The following ADCY3 variants were observed in gnomAD, a reference collection of about 807,000 sequenced individuals.
ADCY3 encodes the protein adenylate cyclase 3.
In ADCY3, 70 loss-of-function variants were observed where a neutral mutation model predicts 119.4. The ratio of observed to expected loss-of-function variants is 0.59; its 90% CI spans 0.48 to 0.72. ADCY3 has a LOEUF of 0.72. ADCY3 is among the 30% of genes least tolerant of loss of function. The probability of loss-of-function intolerance (pLI) is 0.00; values close to 1 mark genes in which losing one functional copy is unlikely to be tolerated. For missense variants in ADCY3, 1,238 were observed against 1,541.6 expected (o/e 0.80, Z 3.30); for synonymous variants, 672 against 621.4 (o/e 1.08, Z -1.21).
intron 2 of ADCY3, among the ~76,000 whole-genome samples, chr2:24,917,880 G>GTT (rs996045918): frequency 4.5e-4 from 68 of 152,212 alleles, no homozygotes; most frequent in Non-Finnish European, 5.9e-5. Flanking sequence ...CAGAGCGGAC[G>GTT]TTATCCCCAT....
rs1668798018 is a variant in ADCY3, at chr2:24,827,559, T to C, written c.2482A>G (p.Asn828Asp). ...CGTGGCCCTTACCTGTCAGTGCCAT[T>C]GAGCCCAGGGTTGAATCCTTGCATC... ...EQMQGFNPGL[N>D]GTDRLPLVPS... Residue 828 changes from asparagine to aspartate, a missense_variant, in exon 15 of 22, where the codon AAT becomes GAT. By Grantham distance (23) the Asn-to-Asp change is conservative (BLOSUM62 1). This residue lies in a region of ADCY3 where 499 missense variants were observed against 571.0 expected (regional missense o/e 0.87). Coordinates refer to ENST00000679454, the MANE Select transcript of ADCY3 (RefSeq NM_004036.5). 6.3e-7 allele frequency: 1 copy of C among 1,588,280 alleles called. No homozygotes were observed. Among genetic ancestry groups the C allele is most frequent in the Non-Finnish European group, 8.6e-7 (1 of 1,164,376 alleles).
intron 2 of ADCY3, among the ~76,000 whole-genome samples, chr2:24,880,850 A>G (rs1558493475): frequency 6.6e-6 from 1 of 152,126 alleles, no homozygotes; most frequent in Non-Finnish European, 1.5e-5. Flanking sequence ...ACTCATCTCT[A>G]CTAAAAGTAC....
Position 24,898,920 on chromosome 2 carries a change from C to T in ADCY3, c.675+19393G>A, listed in dbSNP as rs1357830895. On this transcript the variant is annotated intron_variant, in intron 2 of 21. Coordinates refer to ENST00000679454, the MANE Select transcript of ADCY3 (RefSeq NM_004036.5). The surrounding 1 kb of genome is among the most constrained non-coding windows in gnomAD (Gnocchi z 4.3). ...CCAGCGCGGACGCCAAGCACGACCACGGCAGGTGACCTGCCCTCCCTCCAG... is the reference window on the plus strand; with the variant it reads ...CCAGCGCGGACGCCAAGCACGACCATGGCAGGTGACCTGCCCTCCCTCCAG... Among the ~76,000 whole-genome samples, 4 of 152,196 alleles carry T rather than the reference C, an allele frequency of 2.6e-5. No homozygotes were observed. The highest frequency in any genetic ancestry group is 4.4e-5 in the Non-Finnish European group (3 of 68,032).
chr2:24,902,221 C>T (rs1354005846), intron 2 of ADCY3, among the ~76,000 whole-genome samples: 1 of 151,424 alleles, frequency 6.6e-6, no homozygotes, highest in African/African-American at 2.4e-5. Context: ...TCTGGGACCA[C>T]AAGTGTGTGC....
intron 16 of ADCY3, among the ~76,000 whole-genome samples, chr2:24,824,825 G>T (rs1250618473): frequency 1.3e-5 from 2 of 152,166 alleles, no homozygotes; most frequent in Non-Finnish European, 2.9e-5. Context: ...AGGAGGCAGA[G>T]GTTGCAGTGA....
At position 24,898,136 on chromosome 2, in the gene ADCY3, C is replaced by A. The variant is rs1678494414; in HGVS notation, c.675+20177G>T. ...TACCCCGTCTATGTTCACCCCCAGA[C>A]CTTTGTTCACAAGCCACTGCCACTG... On this transcript the variant is annotated intron_variant, in intron 2 of 21. Coordinates refer to ENST00000679454, the MANE Select transcript of ADCY3 (RefSeq NM_004036.5). The surrounding 1 kb of genome is among the most constrained non-coding windows in gnomAD (Gnocchi z 4.3). 6.6e-6 allele frequency among the ~76,000 whole-genome samples: 1 copy of A among 152,172 alleles called. No homozygotes were observed. Among genetic ancestry groups the A allele is most frequent in the South Asian group, 2.1e-4 (1 of 4,820 alleles).
chr2:24,851,356 C>G (rs1044272403), intron 3 of ADCY3, among the ~76,000 whole-genome samples: 2 of 152,230 alleles, frequency 1.3e-5, no homozygotes, highest in African/African-American at 4.8e-5. Context: ...ATGAACCCAG[C>G]ACCCACCAGG....
intron 2 of ADCY3, among the ~76,000 whole-genome samples, chr2:24,902,942 G>T (rs1679070954): frequency 6.6e-6 from 1 of 151,876 alleles, no homozygotes; most frequent in Non-Finnish European, 1.5e-5. Flanking sequence ...GAGGCAGGAG[G>T]ATCACTTGAG....
intron 2 of ADCY3, among the ~76,000 whole-genome samples, chr2:24,879,186 G>A (rs958997053): frequency 6.6e-6 from 1 of 152,136 alleles, no homozygotes; most frequent in African/African-American, 2.4e-5. Context: ...AAGACTGAAA[G>A]ACTGGGCCGG....
intron 21 of ADCY3, 108 bp downstream of exon 21, chr2:24,820,616 C>G: frequency 6.5e-7 from 1 of 1,544,704 alleles, no homozygotes; most frequent in Non-Finnish European, 8.8e-7. Flanking sequence ...TGCCTCTGGA[C>G]TTACTGTTCA....
intron 18 of ADCY3, 68 bp from the exon 19 acceptor site, chr2:24,822,698 A>C (rs1390448610): frequency 1.3e-6 from 2 of 1,586,328 alleles, no homozygotes; most frequent in Non-Finnish European, 1.7e-6. Flanking sequence ...CCAGTGACAG[A>C]TGTACCTGTT....
chr2:24,834,899 A>G lies in ADCY3; in HGVS notation c.1700T>C (p.Leu567Pro). 1.2e-6 allele frequency: 2 copies of G among 1,613,844 alleles called. No homozygotes were observed. Among genetic ancestry groups the G allele is most frequent in the Non-Finnish European group, 1.7e-6 (2 of 1,179,970 alleles). ...TCGGTCAGCCAGGTCCTGCAGGCGC[A>G]GCCTCCGGCGTGGGTTGGGGAATGA... ...NPSFPNPRRR[L>P]RLQDLADRVV... Residue 567 changes from leucine to proline, a missense_variant, in exon 10 of 22, where the codon CTG becomes CCG. Transcript: ENST00000679454. This position sits in a 1 kb window ranked among gnomAD's most constrained non-coding sequence, Gnocchi z 4.2.
intron 2 of ADCY3, among the ~76,000 whole-genome samples, chr2:24,873,223 C>A (rs1357780473): frequency 6.6e-6 from 1 of 152,198 alleles, no homozygotes; most frequent in Non-Finnish European, 1.5e-5. Flanking sequence ...GCTTGGGATG[C>A]GGCAGGACCC....
chr2:24,870,476 C>A (rs1674857654), intron 3 of ADCY3, among the ~76,000 whole-genome samples: 1 of 152,172 alleles, frequency 6.6e-6, no homozygotes, highest in Non-Finnish European at 1.5e-5. Flanking sequence ...ATTCTAGGCT[C>A]CGGCTGTGTG....
In ADCY3 at chr2:24,841,381, G is replaced by A. The variant is rs753151242; in HGVS notation, c.1074C>T (p.Tyr358=). The change falls in exon 6 of 22, where the codon TAC becomes TAT. Residue 358 remains tyrosine (Y), a synonymous_variant. Transcript: ENST00000679454. The surrounding 1 kb of genome is among the most constrained non-coding windows in gnomAD (Gnocchi z 5.8). ...CCAGGATCTTAATCCGCAGCTGGTG[G>A]TATTTCTGAAAGGGGAGGGCCTGGC... The part of the protein sequence containing the change: ...FARFDKLAAK[Y]HQLRIKILGD... The A allele has an allele frequency of 6.2e-7, 1 of 1,610,566 alleles. No homozygotes were observed. Among genetic ancestry groups the A allele is most frequent in the South Asian group, 1.1e-5 (1 of 90,050 alleles).
chr2:24,887,748 G>A (rs1677226566), intron 2 of ADCY3, among the ~76,000 whole-genome samples: 1 of 152,142 alleles, frequency 6.6e-6, no homozygotes, highest in South Asian at 2.1e-4. Flanking sequence ...ATGGGCCTGG[G>A]CCTTGGAAGT....
chr2:24,826,898 A>C (rs1220254501), intron 15 of ADCY3, among the ~76,000 whole-genome samples: 1 of 152,226 alleles, frequency 6.6e-6, no homozygotes, highest in Non-Finnish European at 1.5e-5. Flanking sequence ...CAGGAGTGTA[A>C]GAGTTACTAT....
At chr2:24,831,504 T>A (rs1340921612) in intron 12 of ADCY3, among the ~76,000 whole-genome samples, 158 bp downstream of exon 12, 1 of 152,180 alleles carries the variant, frequency 6.6e-6, no homozygotes, top group Non-Finnish European at 1.5e-5. Context: ...GCTCTGCTGA[T>A]GGTGAATGAA....
intron 3 of ADCY3, among the ~76,000 whole-genome samples, chr2:24,864,188 G>T (rs1045140787): frequency 6.6e-6 from 1 of 152,168 alleles, no homozygotes; most frequent in Non-Finnish European, 1.5e-5. Flanking sequence ...TACTCGGGAC[G>T]CTGAAGCAGG....
Sources: allele counts gnomAD v4.1 joint callset (sites outside exome capture counted in the v4.1 genomes callset), GRCh38; gene constraint gnomAD v4.1.1; regional missense constraint gnomAD v4.1.1; non-coding constraint Gnocchi (gnomAD v3.1); transcripts MANE v1.5; gene names NCBI Gene and HGNC (gene_info 2026-07-23, HGNC 2026-07-21).